Variants in MTTP observed in about 807,000 individuals in gnomAD.
MTTP encodes microsomal triglyceride transfer protein.
A neutral mutation model predicts 90.6 loss-of-function variants in MTTP; 49 were observed. The observed-to-expected ratio is 0.54, with a 90% CI of 0.43 to 0.69. The LOEUF (loss-of-function observed/expected upper bound fraction) is 0.69. Ranked by LOEUF, MTTP falls within the 30% of genes least tolerant of loss-of-function variation. The pLI is 0.00. For synonymous variants in MTTP, 347 were observed against 384.2 expected (o/e 0.90, Z 1.13); for missense variants, 945 against 1,067.5 (o/e 0.89, Z 1.60).
At chr4:99,588,760 C>T (rs1308524003) in intron 3 of MTTP, among the ~76,000 whole-genome samples, 1 of 86,110 alleles carries the variant, frequency 1.2e-5, no homozygotes, top group Admixed American at 1.2e-4. Flanking sequence ...TATATACACA[C>T]ATATATATAT....
chr4:99,581,552 C>A (rs1725114199), intron 1 of MTTP, among the ~76,000 whole-genome samples: 1 of 152,066 alleles, frequency 6.6e-6, no homozygotes, highest in South Asian at 2.1e-4. Flanking sequence ...AATTTATCAA[C>A]CAATTCCTGG....
At chr4:99,570,688 T>C (rs1296827204), upstream of MTTP, 1 of 455,802 alleles carries the variant, frequency 2.2e-6, no homozygotes, top group Admixed American at 2.4e-5. Flanking sequence ...AAGATTATCC[T>C]GGATTATTTA....
In MTTP at chr4:99,591,102, T is replaced by G. The variant is rs1725406164; in HGVS notation, c.502-133T>G. The G allele has an allele frequency of 5.5e-6, 4 of 722,186 alleles. No homozygotes were observed. In the South Asian group the frequency reaches 6.3e-5, roughly 11 times the overall value. 44.7% of individuals were successfully genotyped at this position (722,186 alleles called of 1,614,324 possible). ...ACCAGAAACCTTGTTCTTGTCTTTG[T>G]ATCTTATCATCCTGGGGGAGAAAAA... On this transcript the variant is annotated intron_variant, in intron 4 of 17. Transcript: ENST00000265517.
intron 15 of MTTP, among the ~76,000 whole-genome samples, chr4:99,616,760 T>C (rs1726108106): frequency 6.6e-6 from 1 of 152,152 alleles, no homozygotes; most frequent in Admixed American, 6.5e-5. Context: ...TGTCCCTTTG[T>C]GTAAGGAAGT....
Position 99,606,788 on chromosome 4 carries a change from A to T in MTTP, c.1385A>T (p.Glu462Val), listed in dbSNP as rs757598679. 44 of 1,613,880 alleles carry T rather than the reference A, an allele frequency of 2.7e-5. No homozygotes were observed. The Middle Eastern group carries it at 1.0e-3, about 37-fold the overall frequency. ...AAGAAGTTAATCCTGGGAGGACTTG[A>T]AAAAGCAGAGAAAAAAGAGGACACC... ...EAKKLILGGL[E>V]KAEKKEDTRM... Residue 462 changes from glutamate (E) to valine (V), a missense_variant, in exon 11 of 18, where the codon GAA becomes GTA. By Grantham distance (121) the Glu-to-Val change is moderately radical. Transcript: ENST00000265517.
chr4:99,567,791 A>G (rs921718011), intron 1 of MTTP, among the ~76,000 whole-genome samples: 5 of 152,174 alleles, frequency 3.3e-5, no homozygotes, highest in African/African-American at 1.2e-4. Flanking sequence ...AAATATGAAG[A>G]CACGTGTGTC....
chr4:99,587,316 G>T (rs1271234832), intron 3 of MTTP, among the ~76,000 whole-genome samples: 1 of 152,008 alleles, frequency 6.6e-6, no homozygotes, highest in African/African-American at 2.4e-5. Context: ...AAAGAGATGT[G>T]TTCATTTTTC....
intron 6 of MTTP, among the ~76,000 whole-genome samples, chr4:99,592,274 G>A (rs1041483067): frequency 2.6e-5 from 4 of 152,134 alleles, no homozygotes; most frequent in African/African-American, 7.2e-5. Flanking sequence ...AGACTAGGAC[G>A]TTACTGTACA....
intron 1 of MTTP, among the ~76,000 whole-genome samples, chr4:99,565,666 C>A (rs1724669130): frequency 6.6e-6 from 1 of 152,132 alleles, no homozygotes; most frequent in South Asian, 2.1e-4. Flanking sequence ...TAAATAAATA[C>A]CATACAACAT....
At chr4:99,594,619 G>A in intron 6 of MTTP, 114 bp from the exon 7 acceptor site, 5 of 1,204,492 alleles carry the variant, frequency 4.2e-6, no homozygotes, top group Non-Finnish European at 6.1e-6. Flanking sequence ...TGAAAGACAT[G>A]GCTATATACA....
chr4:99,592,698 A>C (rs1725461046), intron 6 of MTTP, among the ~76,000 whole-genome samples: 1 of 152,278 alleles, frequency 6.6e-6, no homozygotes, highest in East Asian at 1.9e-4. Context: ...AATAACATAC[A>C]TAGAACTGTC....
chr4:99,589,740 C>T lies in MTTP; in HGVS notation c.491C>T (p.Thr164Ile). 1 of 1,574,620 alleles carries T rather than the reference C, an allele frequency of 6.4e-7. No individual in the cohort carries two copies. The highest frequency in any genetic ancestry group is 8.7e-7 in the Non-Finnish European group (1 of 1,145,266). The change falls in exon 4 of 18, where the codon ACC (threonine) becomes ATC (isoleucine). Residue 164 changes from threonine to isoleucine, a missense_variant. Coordinates refer to ENST00000265517, the MANE Select transcript of MTTP (RefSeq NM_001386140.1). Reference sequence around the variant, plus strand: ...TTTCAGACACAGTTAAGCTCTGGAACCACCAATGAGGTACTTACCAATATT... The same window carrying T: ...TTTCAGACACAGTTAAGCTCTGGAATCACCAATGAGGTACTTACCAATATT... The part of the protein sequence containing the change: ...SLFQTQLSSG[T>I]TNEVDISGNC...
At chr4:99,571,029 C>G (rs141658723), upstream of MTTP, among the ~76,000 whole-genome samples, 948 of 151,982 alleles carry the variant, frequency 6.2e-3, 10 homozygotes, top group African/African-American at 0.02. Flanking sequence ...GTTATGGTAG[C>G]TATGGAGAAC....
At position 99,597,056 on chromosome 4, in the gene MTTP, A is replaced by T; in HGVS notation, c.910-11A>T. On this transcript the variant is annotated splice_polypyrimidine_tract_variant and intron_variant, in intron 7 of 17. Coordinates refer to ENST00000265517, the MANE Select transcript of MTTP (RefSeq NM_001386140.1). ...TGAGTGGGGTATGAGCCTGCAGTGT[A>T]TGTTTTGCAGCTCTCGGAGCTCTGG... The T allele has an allele frequency of 1.2e-6, 2 of 1,613,570 alleles. No homozygotes were observed. The highest frequency in any genetic ancestry group is 1.7e-6 in the Non-Finnish European group (2 of 1,179,786).
upstream of MTTP, among the ~76,000 whole-genome samples, chr4:99,570,022 G>GT (rs1170656691): frequency 3.3e-3 from 484 of 147,304 alleles, 5 homozygotes; most frequent in African/African-American, 9.4e-3. Context: ...CATTTTTAAT[G>GT]TTTTTTTTTT....
At position 99,612,932 on chromosome 4, in the gene MTTP, G is replaced by A. The variant is rs774137553; in HGVS notation, c.2009G>A (p.Gly670Glu). 2 of 1,613,984 alleles carry A rather than the reference G, an allele frequency of 1.2e-6. No individual in the cohort carries two copies. Among genetic ancestry groups the A allele is most frequent in the Non-Finnish European group, 1.7e-6 (2 of 1,179,922 alleles). Residue 670 changes from glycine (G) to glutamate (E), a missense_variant, in exon 15 of 18, where the codon GGA becomes GAA. By Grantham distance (98) the Gly-to-Glu change is moderately conservative. Coordinates refer to ENST00000265517, the MANE Select transcript of MTTP (RefSeq NM_001386140.1). ...ATCCAGGTGGTTATTGAAGCCCAAG[G>A]ACTGGAAGCCTTAATCGCAGCCACC... ...HGSQVVIEAQ[G>E]LEALIAATPD... is the part of the protein sequence containing the mutation.
chr4:99,607,488 A>T (rs1725845140), intron 11 of MTTP, among the ~76,000 whole-genome samples: 1 of 152,208 alleles, frequency 6.6e-6, no homozygotes, highest in Non-Finnish European at 1.5e-5. Flanking sequence ...CTTTTGAGAA[A>T]GACAGACCTA....
At chr4:99,590,863 A>C (rs200200043) in intron 4 of MTTP, among the ~76,000 whole-genome samples, 1 of 147,916 alleles carries the variant, frequency 6.8e-6, no homozygotes, top group African/African-American at 2.5e-5. Context: ...ACACACACAC[A>C]CCACACACAC....
intron 1 of MTTP, among the ~76,000 whole-genome samples, chr4:99,579,193 A>G (rs1420340023): frequency 5.9e-5 from 9 of 152,138 alleles, no homozygotes; most frequent in Non-Finnish European, 1.3e-4. Flanking sequence ...CTTGATTCCT[A>G]TGAAAATGCT....
Sources: allele counts gnomAD v4.1 joint callset (sites outside exome capture counted in the v4.1 genomes callset), GRCh38; gene constraint gnomAD v4.1.1; transcripts MANE v1.5; gene names NCBI Gene and HGNC (gene_info 2026-07-23, HGNC 2026-07-21).